PDE10A: variants seen among roughly 807,000 people sequenced by gnomAD.
PDE10A encodes the protein phosphodiesterase 10A, also known as cAMP and cAMP-inhibited cGMP 3',5'-cyclic phosphodiesterase 10A.
Under a neutral mutation model 97.7 loss-of-function variants are expected in PDE10A, and 39 were observed. The ratio of observed to expected loss-of-function variants is 0.40; its 90% CI spans 0.31 to 0.52. The LOEUF is 0.52. PDE10A is among the 20% of genes least tolerant of loss of function. The pLI is 0.56. For synonymous variants in PDE10A, 371 were observed against 376.8 expected, an observed-to-expected ratio of 0.98 and a Z score of 0.18; for missense variants, 731 against 1,047.8, an observed-to-expected ratio of 0.70 and a Z score of 4.17.
At chr6:165,824,635 A>G (rs6906820) in intron 1 of PDE10A, among the ~76,000 whole-genome samples, 88,266 of 152,050 alleles carry the variant, frequency 0.58, 27,021 homozygotes, top group East Asian at 0.89. Context: ...GTGACAACCT[A>G]GCTCACAGAC....
intron 1 of PDE10A, chr6:165,775,019 G>A (rs747177378): frequency 1.3e-5 from 2 of 152,074 alleles, no homozygotes; most frequent in African/African-American, 2.4e-5. Flanking sequence ...GAACCATCAG[G>A]ACGATCCCAG....
intron 20 of PDE10A, among the ~76,000 whole-genome samples, chr6:165,337,842 A>T (rs965995829): frequency 9.9e-5 from 15 of 152,222 alleles, no homozygotes; most frequent in African/African-American, 3.6e-4. Context: ...GGAAGGAAAG[A>T]AATTGTAGAT....
rs1263883900 is a variant in PDE10A at position 165,661,805 on chromosome 6, G to C, written c.865+142C>G. On this transcript the variant is annotated intron_variant, in intron 1 of 21. Transcript: ENST00000539869. This position sits in a 1 kb window ranked among gnomAD's most constrained non-coding sequence, Gnocchi z 4.8. ...AGGGGCACCGGCTCCTGCCCCTCCAGAGAAGCCCCCTGGGCGCTCCACGCC... is the reference window on the plus strand; with the variant it reads ...AGGGGCACCGGCTCCTGCCCCTCCACAGAAGCCCCCTGGGCGCTCCACGCC... The C allele has an allele frequency of 2.0e-6, 1 of 504,046 alleles. No individual in the cohort carries two copies. The highest frequency in any genetic ancestry group is 3.6e-6 in the Non-Finnish European group (1 of 277,252). 31.2% of individuals were successfully genotyped at this position (504,046 alleles called of 1,614,324 possible).
intron 13 of PDE10A, among the ~76,000 whole-genome samples, chr6:165,410,860 G>A (rs925928231): frequency 2.0e-4 from 29 of 147,266 alleles, no homozygotes; most frequent in African/African-American, 6.9e-4. Flanking sequence ...AGGCCGAGGC[G>A]GGCGGATCAC....
intron 1 of PDE10A, among the ~76,000 whole-genome samples, chr6:165,771,695 A>G (rs1778016421): frequency 6.6e-6 from 1 of 152,024 alleles, no homozygotes; most frequent in South Asian, 2.1e-4. Context: ...ACAAAAAGCA[A>G]AAATGAAAAG....
rs77147955 is a variant in PDE10A at position 165,976,006 on chromosome 6, T to C, written c.-615+11523A>G. Among the ~76,000 whole-genome samples the C allele has an allele frequency of 7.2e-5, 11 of 152,312 alleles. No individual in the cohort carries two copies. In the East Asian group the frequency reaches 2.1e-3, roughly 29 times the overall value. On this transcript the variant is annotated intron_variant, in intron 1 of 19. Transcript: ENST00000366882. ...TCAAATAATGATGATCTTACAAATC[T>C]TAGAATCAGAGACTGAACAACAAAA...
intron 1 of PDE10A, among the ~76,000 whole-genome samples, chr6:165,947,538 C>T (rs1783811957): frequency 6.6e-6 from 1 of 152,166 alleles, no homozygotes; most frequent in Non-Finnish European, 1.5e-5. Flanking sequence ...TCATTATCCC[C>T]AGTGCAGTTC....
At chr6:165,803,598 T>C (rs1379885778) in intron 1 of PDE10A, among the ~76,000 whole-genome samples, 1 of 152,222 alleles carries the variant, frequency 6.6e-6, no homozygotes, top group Non-Finnish European at 1.5e-5. Context: ...TAACCTAGCC[T>C]GGAACAAGGT....
At chr6:165,622,384 C>T (rs2128409964) in intron 1 of PDE10A, among the ~76,000 whole-genome samples, 1 of 152,210 alleles carries the variant, frequency 6.6e-6, no homozygotes, top group South Asian at 2.1e-4. Flanking sequence ...ACAGAGTGGA[C>T]TTACACAAAC....
chr6:165,466,237 G>A (rs1173204111), intron 3 of PDE10A, among the ~76,000 whole-genome samples: 2 of 152,050 alleles, frequency 1.3e-5, no homozygotes, highest in African/African-American at 4.8e-5. Flanking sequence ...AGATGAAAAG[G>A]GCTTTTCACA....
At chr6:165,919,739 C>T (rs773184850) in intron 1 of PDE10A, among the ~76,000 whole-genome samples, 14 of 152,320 alleles carry the variant, frequency 9.2e-5, no homozygotes, top group South Asian at 2.1e-4. Context: ...ACTTATCTTT[C>T]GCAGTCCTGT....
chr6:165,395,429 C>G (rs1786088471), intron 14 of PDE10A, among the ~76,000 whole-genome samples, 165 bp from the exon 15 acceptor site: 1 of 152,076 alleles, frequency 6.6e-6, no homozygotes, highest in Non-Finnish European at 1.5e-5. Flanking sequence ...GAAAGATTTC[C>G]AGGAAGAAAC....
intron 13 of PDE10A, among the ~76,000 whole-genome samples, chr6:165,401,251 A>G (rs1329160686): frequency 6.6e-6 from 1 of 152,208 alleles, no homozygotes; most frequent in Non-Finnish European, 1.5e-5. Flanking sequence ...CATGACATAT[A>G]AATTTCAGCA....
intron 1 of PDE10A, among the ~76,000 whole-genome samples, chr6:165,872,998 C>T (rs534867137): frequency 5.3e-5 from 8 of 152,244 alleles, no homozygotes; most frequent in South Asian, 2.1e-4. Context: ...AGGGTAACGC[C>T]GATGTGGGAG....
chr6:165,724,265 G>A (rs1792236410), intron 1 of PDE10A, among the ~76,000 whole-genome samples: 2 of 152,140 alleles, frequency 1.3e-5, no homozygotes, highest in African/African-American at 4.8e-5. Flanking sequence ...TAACCCCTAG[G>A]GGCTCAGATT....
At chr6:165,490,847 C>T (rs563166260) in intron 2 of PDE10A, among the ~76,000 whole-genome samples, 6 of 152,170 alleles carry the variant, frequency 3.9e-5, no homozygotes, top group East Asian at 3.9e-4. Context: ...CTCAGCTACT[C>T]GAGAGGCTGA....
At chr6:165,491,319 C>A (rs146369986) in intron 2 of PDE10A, among the ~76,000 whole-genome samples, 2,113 of 152,252 alleles carry the variant, frequency 0.014, 58 homozygotes, top group African/African-American at 0.048. Context: ...ACTCCACTGA[C>A]AGCACTAAAC....
At chr6:165,581,072 C>T (rs1785590934) in intron 1 of PDE10A, among the ~76,000 whole-genome samples, 1 of 152,114 alleles carries the variant, frequency 6.6e-6, no homozygotes, top group Non-Finnish European at 1.5e-5. Context: ...CTTTTTAGAT[C>T]CATTATGGTG....
chr6:165,810,801 C>T (rs1779262171), intron 1 of PDE10A, among the ~76,000 whole-genome samples: 1 of 152,116 alleles, frequency 6.6e-6, no homozygotes, highest in South Asian at 2.1e-4. Flanking sequence ...CCTGTGGACT[C>T]TAATTACTGT....
Sources: allele counts gnomAD v4.1 joint callset (sites outside exome capture counted in the v4.1 genomes callset), GRCh38; gene constraint gnomAD v4.1.1; non-coding constraint Gnocchi (gnomAD v3.1); transcripts MANE v1.5; gene names NCBI Gene and HGNC (gene_info 2026-07-23, HGNC 2026-07-21).